Variants in KCNH8 observed in about 807,000 individuals in gnomAD.
The protein encoded by KCNH8 is voltage-gated delayed rectifier potassium channel KCNH8.
In KCNH8, 70 loss-of-function variants were observed where a neutral mutation model predicts 103.6. The ratio of observed to expected loss-of-function variants is 0.68; its 90% confidence interval spans 0.56 to 0.82. KCNH8 has a LOEUF of 0.82. Ranked by LOEUF, KCNH8 falls within the 40% of genes least tolerant of loss-of-function variation. KCNH8 has a pLI of 0.00. For synonymous variants in KCNH8, 498 were observed against 489.4 expected (o/e 1.02, Z -0.23); for missense variants, 1,217 against 1,329.9 (o/e 0.92, Z 1.32).
intron 3 of KCNH8, among the ~76,000 whole-genome samples, chr3:19,305,476 A>G (rs1017592241): frequency 3.3e-5 from 5 of 152,164 alleles, no homozygotes; most frequent in African/African-American, 1.2e-4. Flanking sequence ...GGGTCAGCTC[A>G]GGGTGAGAGC....
intron 11 of KCNH8, among the ~76,000 whole-genome samples, chr3:19,459,982 T>A (rs1575090905): frequency 6.6e-6 from 1 of 152,208 alleles, no homozygotes; most frequent in East Asian, 1.9e-4. Context: ...CTCTGTCATT[T>A]GTTCTTTTTT....
intron 1 of KCNH8, among the ~76,000 whole-genome samples, chr3:19,251,174 G>A (rs2064271947): frequency 6.6e-6 from 1 of 152,078 alleles, no homozygotes; most frequent in Non-Finnish European, 1.5e-5. Flanking sequence ...ACTCCCACAG[G>A]TTTATGACTA....
At chr3:19,150,282 A>G (rs914255908) in intron 1 of KCNH8, among the ~76,000 whole-genome samples, 1 of 152,126 alleles carries the variant, frequency 6.6e-6, no homozygotes, top group Non-Finnish European at 1.5e-5. Flanking sequence ...GTGTTTTACC[A>G]TGCATGATGG....
At chr3:19,501,267 A>C (rs1409332670) in intron 11 of KCNH8, among the ~76,000 whole-genome samples, 1 of 152,250 alleles carries the variant, frequency 6.6e-6, no homozygotes, top group Non-Finnish European at 1.5e-5. Context: ...ACAGGAGCTG[A>C]AATTGTGGCA....
chr3:19,392,161 A>G (rs1159803307), intron 6 of KCNH8, among the ~76,000 whole-genome samples: 1 of 150,668 alleles, frequency 6.6e-6, no homozygotes, highest in Admixed American at 6.6e-5. Flanking sequence ...CCCAGAATTA[A>G]CATGGATGAA....
chr3:19,351,528 G>A (rs2065802049), intron 5 of KCNH8, among the ~76,000 whole-genome samples: 1 of 152,174 alleles, frequency 6.6e-6, no homozygotes, highest in African/African-American at 2.4e-5. Context: ...CAGACTAACA[G>A]CGGATCTCTT....
rs1415290588 is a variant in KCNH8, at chr3:19,347,708, T to C, written c.571-17T>C. On this transcript the variant is annotated splice_polypyrimidine_tract_variant and intron_variant, in intron 4 of 15. Transcript: ENST00000328405. ...TGTTGTGTTTCTCCTTTCTCTCCTT[T>C]TTGTCTTCATCCACAGAATGTTTTT... is the stretch of plus-strand genomic sequence containing the variant. 1 of 1,611,312 alleles carries C rather than the reference T, an allele frequency of 6.2e-7. No individual in the cohort carries two copies. The highest frequency in any genetic ancestry group is 1.7e-5 in the Admixed American group (1 of 59,708).
intron 3 of KCNH8, among the ~76,000 whole-genome samples, chr3:19,297,623 A>G (rs530749127): frequency 2.0e-5 from 3 of 152,190 alleles, no homozygotes; most frequent in African/African-American, 7.2e-5. Flanking sequence ...ACCTGAGTCT[A>G]CTGAAGGTAT....
At chr3:19,393,426 T>C (rs1036829005) in intron 6 of KCNH8, among the ~76,000 whole-genome samples, 3 of 152,192 alleles carry the variant, frequency 2.0e-5, no homozygotes, top group East Asian at 3.9e-4. Context: ...ATTGTTCTCA[T>C]GTACAAGCAG....
At chr3:19,428,215 C>G (rs941774889) in intron 7 of KCNH8, among the ~76,000 whole-genome samples, 1 of 152,142 alleles carries the variant, frequency 6.6e-6, no homozygotes, top group Non-Finnish European at 1.5e-5. Context: ...AGACCATGGT[C>G]TCCTAGACAA....
chr3:19,520,481 G>T (rs1191159905), intron 15 of KCNH8, among the ~76,000 whole-genome samples: 1 of 151,740 alleles, frequency 6.6e-6, no homozygotes, highest in Non-Finnish European at 1.5e-5. Context: ...AAATACAAAT[G>T]GACTTCAAAC....
intron 13 of KCNH8, among the ~76,000 whole-genome samples, chr3:19,515,055 T>C (rs1001979124): frequency 6.6e-5 from 10 of 151,812 alleles, no homozygotes; most frequent in Non-Finnish European, 1.5e-4. Flanking sequence ...TTGAACAATA[T>C]AAAAATACTC....
chr3:19,275,503 A>C (rs1575488112), intron 2 of KCNH8, among the ~76,000 whole-genome samples: 1 of 152,210 alleles, frequency 6.6e-6, no homozygotes, highest in African/African-American at 2.4e-5. Context: ...CCCGACGTAA[A>C]TTCAGTGAGG....
At chr3:19,389,772 C>T (rs775521457) in intron 5 of KCNH8, among the ~76,000 whole-genome samples, 2 of 151,992 alleles carry the variant, frequency 1.3e-5, no homozygotes, top group African/African-American at 4.8e-5. Context: ...GGACTACAGA[C>T]ATGTGCCAGT....
At chr3:19,323,998 G>A (rs146465816) in intron 3 of KCNH8, among the ~76,000 whole-genome samples, 2,704 of 152,300 alleles carry the variant, frequency 0.018, 33 homozygotes, top group Non-Finnish European at 0.027. Context: ...CCAGGTGGTG[G>A]CATTTTCGAG....
chr3:19,366,074 G>A (rs1310824850), intron 5 of KCNH8, among the ~76,000 whole-genome samples: 1 of 151,940 alleles, frequency 6.6e-6, no homozygotes, highest in Non-Finnish European at 1.5e-5. Flanking sequence ...AGCATTTTTG[G>A]TCAGTGAAGC....
At chr3:19,206,182 A>ATATATATATATATATC (rs2063713335) in intron 1 of KCNH8, among the ~76,000 whole-genome samples, 2 of 144,104 alleles carry the variant, frequency 1.4e-5, no homozygotes, top group Admixed American at 1.4e-4. Context: ...ATATATATAT[A>ATATATATATATATATC]TATCACAGTT....
intron 7 of KCNH8, among the ~76,000 whole-genome samples, chr3:19,432,114 G>T (rs1332650771): frequency 6.6e-6 from 1 of 151,974 alleles, no homozygotes; most frequent in African/African-American, 2.4e-5. Flanking sequence ...TCTTTAACAG[G>T]TTATTTGTAT....
Position 19,451,364 on chromosome 3 carries a change from C to T in KCNH8, c.1785C>T (p.Ser595=). The change falls in exon 10 of 16, where the codon TCC becomes TCT. Residue 595 remains serine (S), a synonymous_variant. Transcript: ENST00000328405. ...CCATCTACTTTGTATGCTCGGGCTC[C>T]ATGGAAGTTCTTAAAGACAGCATGG... ...LQAIYFVCSG[S]MEVLKDSMVL... is the part of the protein sequence containing the mutation. 6.2e-7 allele frequency: 1 copy of T among 1,613,766 alleles called. No homozygotes were observed. The highest frequency in any genetic ancestry group is 8.5e-7 in the Non-Finnish European group (1 of 1,179,800).
Sources: gnomAD v4.1 joint callset for allele counts (sites outside exome capture counted in the v4.1 genomes callset) on GRCh38, gnomAD v4.1.1 for gene constraint, MANE v1.5 for transcripts, NCBI Gene and HGNC (gene_info 2026-07-23, HGNC 2026-07-21) for gene names.